Variants in UIMC1 observed in about 807,000 individuals in gnomAD.
UIMC1 encodes the protein ubiquitin interaction motif containing 1, also known as BRCA1-A complex subunit RAP80.
A neutral mutation model predicts 84.9 loss-of-function variants in UIMC1; 42 were observed. The observed-to-expected ratio is 0.49, with a 90% confidence interval of 0.39 to 0.64. UIMC1 has a LOEUF of 0.64. Ranked by LOEUF, UIMC1 falls within the 30% of genes least tolerant of loss-of-function variation. The pLI is 0.00. For missense variants in UIMC1, 825 were observed against 847.6 expected, an observed-to-expected ratio of 0.97 and a Z score of 0.33; for synonymous variants, 281 against 293.0, an observed-to-expected ratio of 0.96 and a Z score of 0.42.
chr5:176,984,259 G>A (rs1330626292), intron 1 of UIMC1, among the ~76,000 whole-genome samples: 4 of 109,890 alleles, frequency 3.6e-5, no homozygotes, highest in Admixed American at 9.0e-5. Flanking sequence ...CTGCCCGGCC[G>A]GCCCATCTGG....
chr5:176,921,461 G>C (rs1436466472), intron 10 of UIMC1, among the ~76,000 whole-genome samples: 1 of 152,050 alleles, frequency 6.6e-6, no homozygotes, highest in Non-Finnish European at 1.5e-5. Context: ...GTTATTCACT[G>C]GGCATCTTAA....
Position 177,003,050 on chromosome 5 carries a change from A to G in UIMC1, c.-9+3600T>C, listed in dbSNP as rs543032901. Among the ~76,000 whole-genome samples, 230 of 152,304 alleles carry G rather than the reference A, an allele frequency of 1.5e-3. 1 individual carries two copies. The highest frequency in any genetic ancestry group is 2.8e-3 in the Non-Finnish European group (191 of 68,040). On this transcript the variant is annotated intron_variant, in intron 1 of 14. Transcript: ENST00000511320. ...TTTGCTGAGTGAATAAAGAGCACAAAGTGTATATTTAAATTATTAAATGCT... is the reference window on the plus strand; with the variant it reads ...TTTGCTGAGTGAATAAAGAGCACAAGGTGTATATTTAAATTATTAAATGCT...
intron 7 of UIMC1, 144 bp from the exon 8 acceptor site, chr5:176,956,179 G>T: frequency 1.5e-6 from 1 of 661,434 alleles, no homozygotes; most frequent in Non-Finnish European, 2.6e-6. Flanking sequence ...AGGAAAGCAA[G>T]GAATCAGTAC....
intron 13 of UIMC1, 85 bp from the exon 14 acceptor site, chr5:176,906,132 T>C (rs75092496): frequency 0.025 from 32,259 of 1,302,906 alleles, 511 homozygotes; most frequent in Non-Finnish European, 0.031. Context: ...TTCCGTGCTC[T>C]AGGCACTGCT....
intron 10 of UIMC1, among the ~76,000 whole-genome samples, chr5:176,911,626 C>T (rs577319623): frequency 6.6e-6 from 1 of 152,228 alleles, no homozygotes; most frequent in Admixed American, 6.5e-5. Context: ...GTATGCTAAG[C>T]CATGAGATCT....
intron 10 of UIMC1, among the ~76,000 whole-genome samples, chr5:176,936,486 T>A (rs1256504626): frequency 6.6e-6 from 1 of 152,118 alleles, no homozygotes; most frequent in Non-Finnish European, 1.5e-5. Flanking sequence ...CAGAGTGGAG[T>A]GATCCTTTGC....
At chr5:176,991,833 G>A (rs940283283) in intron 1 of UIMC1, among the ~76,000 whole-genome samples, 12 of 152,170 alleles carry the variant, frequency 7.9e-5, no homozygotes, top group African/African-American at 2.9e-4. Context: ...TCGGGAGGCT[G>A]AGGCAGGAGA....
intron 10 of UIMC1, among the ~76,000 whole-genome samples, chr5:176,914,421 C>T (rs1448508820): frequency 6.6e-6 from 1 of 152,136 alleles, no homozygotes; most frequent in African/African-American, 2.4e-5. Context: ...CTCTCTGGTC[C>T]AACTTTCCTT....
chr5:176,985,426 A>T (rs1234928116), intron 1 of UIMC1, among the ~76,000 whole-genome samples: 1 of 150,588 alleles, frequency 6.6e-6, no homozygotes, highest in East Asian at 2.0e-4. Flanking sequence ...ACTGCATTCC[A>T]GCCTGGGCAA....
chr5:176,963,160 A>T (rs1299486654), intron 6 of UIMC1, among the ~76,000 whole-genome samples: 177 of 1,978 alleles, frequency 0.089, 22 homozygotes, highest in East Asian at 0.33. Context: ...AATAAATTAA[A>T]AAAAAAAAAA....
At chr5:176,981,475 T>C (rs1047390894) in intron 2 of UIMC1, among the ~76,000 whole-genome samples, 1 of 151,992 alleles carries the variant, frequency 6.6e-6, no homozygotes, top group Non-Finnish European at 1.5e-5. Flanking sequence ...AATAAAGATG[T>C]AAAGAAATGC....
rs187112 is a variant in UIMC1, at chr5:177,014,372, A to G, written c.-9+8092T>C. Among the ~76,000 whole-genome samples the G allele has an allele frequency of 9.1e-3, 1,385 of 152,168 alleles. 9 individuals are homozygous for G. Among genetic ancestry groups the G allele is most frequent in the South Asian group, 0.025 (121 of 4,820 alleles). On this transcript the variant is annotated intron_variant, in intron 1 of 5. Coordinates refer to the UIMC1 transcript ENST00000509236. Reference sequence around the variant, plus strand: ...CCCAGCTGCAGTGAGCCACTTTTATATGGAATTTGGAAACACTTCTGAAAT... The same window carrying G: ...CCCAGCTGCAGTGAGCCACTTTTATGTGGAATTTGGAAACACTTCTGAAAT...
chr5:176,966,240 G>A (rs1207013289), intron 6 of UIMC1, among the ~76,000 whole-genome samples: 1 of 152,164 alleles, frequency 6.6e-6, no homozygotes, highest in Non-Finnish European at 1.5e-5. Flanking sequence ...GCTATGCATT[G>A]CAGTAGACAT....
chr5:176,907,818 C>T (rs1420661593), intron 12 of UIMC1, among the ~76,000 whole-genome samples: 1 of 152,082 alleles, frequency 6.6e-6, no homozygotes, highest in Non-Finnish European at 1.5e-5. Flanking sequence ...TGGCAGGTTT[C>T]GAGACACTTT....
At chr5:176,951,160 C>T (rs1765836296) in intron 9 of UIMC1, among the ~76,000 whole-genome samples, 1 of 152,068 alleles carries the variant, frequency 6.6e-6, no homozygotes, top group Admixed American at 6.5e-5. Context: ...TGGATTCAAA[C>T]CCGTGTTCAA....
chr5:177,013,009 AG>A (rs1308169320), intron 1 of UIMC1, among the ~76,000 whole-genome samples: 1 of 150,718 alleles, frequency 6.6e-6, no homozygotes, highest in African/African-American at 2.4e-5. Context: ...TGAGCCATGG[AG>A]TTTAAGGCTG....
At chr5:177,003,160 G>A (rs914329495) in intron 1 of UIMC1, among the ~76,000 whole-genome samples, 3 of 151,926 alleles carry the variant, frequency 2.0e-5, no homozygotes, top group African/African-American at 2.4e-5. Context: ...ATTACAATGA[G>A]CTTATTTCTA....
chr5:176,989,986 C>T (rs1772575552), intron 1 of UIMC1, among the ~76,000 whole-genome samples: 1 of 152,022 alleles, frequency 6.6e-6, no homozygotes, highest in African/African-American at 2.4e-5. Flanking sequence ...CGAGACCATC[C>T]TGGCTAACAT....
At chr5:176,937,356 G>C (rs1281454360) in intron 10 of UIMC1, among the ~76,000 whole-genome samples, 1 of 152,108 alleles carries the variant, frequency 6.6e-6, no homozygotes, top group Non-Finnish European at 1.5e-5. Flanking sequence ...TTAGCCGAGC[G>C]TGGTAGCAGG....
Sources: gnomAD v4.1 joint callset for allele counts (sites outside exome capture counted in the v4.1 genomes callset) on GRCh38, gnomAD v4.1.1 for gene constraint, MANE v1.5 for transcripts, NCBI Gene and HGNC (gene_info 2026-07-23, HGNC 2026-07-21) for gene names.